ESRRG: variants seen among roughly 807,000 people sequenced by gnomAD.
ESRRG encodes the protein estrogen-related receptor gamma.
ESRRG carries 13 observed loss-of-function variants against 44.0 expected under a neutral mutation model. The observed-to-expected ratio is 0.30, with a 90% CI of 0.19 to 0.47. The LOEUF (loss-of-function observed/expected upper bound fraction) is 0.47, where lower values mean the gene tolerates loss of function less well. Among genes scored for constraint, ESRRG ranks in the 20% least tolerant of loss-of-function variants. ESRRG has a pLI of 1.00. For synonymous variants in ESRRG, 215 were observed against 214.6 expected, an observed-to-expected ratio of 1.00 and a Z score of -0.02; for missense variants, 395 against 580.6, an observed-to-expected ratio of 0.68 and a Z score of 3.29.
At chr1:216,814,892 C>T (rs549869514) in intron 2 of ESRRG, among the ~76,000 whole-genome samples, 214 of 152,278 alleles carry the variant, frequency 1.4e-3, no homozygotes, top group African/African-American at 5.0e-3. Flanking sequence ...TGAGGAGATA[C>T]TGATTGAAAA....
intron 1 of ESRRG, among the ~76,000 whole-genome samples, chr1:217,027,268 C>T (rs892542428): frequency 6.6e-6 from 1 of 152,156 alleles, no homozygotes; most frequent in Non-Finnish European, 1.5e-5. Flanking sequence ...CCTGAACCCA[C>T]ATTATAAATA....
chr1:216,653,780 G>A (rs543228768), intron 2 of ESRRG, among the ~76,000 whole-genome samples: 1 of 152,134 alleles, frequency 6.6e-6, no homozygotes, highest in East Asian at 1.9e-4. Context: ...CCATTGGATG[G>A]TAAGACACTA....
At chr1:216,645,167 CT>C (rs2067265717) in intron 3 of ESRRG, among the ~76,000 whole-genome samples, 1 of 152,160 alleles carries the variant, frequency 6.6e-6, no homozygotes, top group Non-Finnish European at 1.5e-5. Flanking sequence ...GCCTTCAACT[CT>C]CACGTCTGTT....
chr1:216,631,146 G>A (rs182777696), intron 3 of ESRRG, among the ~76,000 whole-genome samples: 3 of 152,024 alleles, frequency 2.0e-5, no homozygotes, highest in East Asian at 3.9e-4. Flanking sequence ...AAAGTAGAAG[G>A]CTAACTTGTT....
chr1:216,812,691 C>G, intron 2 of ESRRG, among the ~76,000 whole-genome samples: 1 of 152,110 alleles, frequency 6.6e-6, no homozygotes, highest in East Asian at 1.9e-4. Flanking sequence ...TCTTGCTCAT[C>G]TTTTTAATCC....
intron 2 of ESRRG, chr1:216,936,580 T>A (rs2064184592): frequency 6.6e-6 from 1 of 151,948 alleles, no homozygotes; most frequent in African/African-American, 2.4e-5. Flanking sequence ...TGTAAAACAA[T>A]TTTAAACTCC....
At chr1:216,856,157 G>T (rs1299805987) in intron 2 of ESRRG, among the ~76,000 whole-genome samples, 1 of 149,656 alleles carries the variant, frequency 6.7e-6, no homozygotes, top group Admixed American at 6.7e-5. Context: ...TTTGTTTCTT[G>T]TGAAAAAAAA....
chr1:216,909,218 A>G (rs2060036604), intron 2 of ESRRG, among the ~76,000 whole-genome samples: 1 of 152,224 alleles, frequency 6.6e-6, no homozygotes, highest in Admixed American at 6.5e-5. Context: ...GAAGAATATC[A>G]TCATCTATGA....
intron 1 of ESRRG, among the ~76,000 whole-genome samples, chr1:216,952,573 A>G (rs1341525032): frequency 1.3e-5 from 2 of 152,174 alleles, no homozygotes; most frequent in Non-Finnish European, 2.9e-5. Flanking sequence ...ACTATGAAAC[A>G]GACACAAAAT....
chr1:216,735,743 G>A lies in ESRRG; in HGVS notation c.-13-58252C>T, dbSNP rs2089741264. Among the ~76,000 whole-genome samples the A allele has an allele frequency of 3.9e-5, 6 of 151,998 alleles. No individual in the cohort carries two copies. The South Asian group carries it at 1.2e-3, about 31-fold the overall frequency. ...TGCCTGTAATCCCAGCACTTTGGGA[G>A]ACCAAGGTGGGTGGATCATGAGGTC... On this transcript the variant is annotated intron_variant, in intron 2 of 7. Coordinates refer to the ESRRG transcript ENST00000359162.
upstream of ESRRG, among the ~76,000 whole-genome samples, chr1:217,090,847 A>C (rs1355508533): frequency 1.3e-5 from 2 of 152,202 alleles, no homozygotes; most frequent in Non-Finnish European, 2.9e-5. Flanking sequence ...CTAATTATGC[A>C]CTGTATCTGT....
At chr1:216,991,440 T>C (rs1324173147) in intron 1 of ESRRG, among the ~76,000 whole-genome samples, 3 of 152,122 alleles carry the variant, frequency 2.0e-5, no homozygotes, top group African/African-American at 4.8e-5. Flanking sequence ...CATATATTCA[T>C]TGGGAGCCTA....
chr1:217,098,540 CTGA>C (rs1487061400), intron 1 of ESRRG, among the ~76,000 whole-genome samples: 1 of 152,124 alleles, frequency 6.6e-6, no homozygotes, highest in East Asian at 1.9e-4. Flanking sequence ...AGAAGCTCCA[CTGA>C]TGATGGGCAA....
intron 1 of ESRRG, among the ~76,000 whole-genome samples, chr1:217,074,992 T>C (rs560239623): frequency 6.6e-6 from 1 of 152,254 alleles, no homozygotes; most frequent in Admixed American, 6.5e-5. Context: ...TCCTTGGGGA[T>C]TGGTTCTGGG....
intron 2 of ESRRG, among the ~76,000 whole-genome samples, chr1:216,860,721 C>A (rs560101048): frequency 1.3e-5 from 2 of 152,070 alleles, no homozygotes; most frequent in Non-Finnish European, 2.9e-5. Flanking sequence ...AGCAAAACTG[C>A]AATACAAAAA....
intron 2 of ESRRG, among the ~76,000 whole-genome samples, chr1:216,731,258 T>G (rs566427162): frequency 4.6e-5 from 7 of 152,306 alleles, no homozygotes; most frequent in African/African-American, 1.7e-4. Context: ...TTGACAAGGA[T>G]CCCATGAAGA....
At chr1:216,891,194 A>G (rs2057745537) in intron 2 of ESRRG, among the ~76,000 whole-genome samples, 1 of 152,202 alleles carries the variant, frequency 6.6e-6, no homozygotes, top group Non-Finnish European at 1.5e-5. Context: ...ATAAATTCAC[A>G]TGCAAATTTT....
chr1:216,776,693 A>G (rs1031792980), intron 2 of ESRRG, among the ~76,000 whole-genome samples: 2 of 152,170 alleles, frequency 1.3e-5, no homozygotes, highest in African/African-American at 4.8e-5. Context: ...AAGGGATTTT[A>G]TGGAGTTCAG....
chr1:217,027,741 G>A (rs1488828251), intron 1 of ESRRG, among the ~76,000 whole-genome samples: 6 of 152,102 alleles, frequency 3.9e-5, no homozygotes, highest in African/African-American at 1.4e-4. Flanking sequence ...GGTAAAGCTT[G>A]GGTTCCTAGT....
Sources: gnomAD v4.1 joint callset for allele counts (sites outside exome capture counted in the v4.1 genomes callset) on GRCh38, gnomAD v4.1.1 for gene constraint, MANE v1.5 for transcripts, NCBI Gene and HGNC (gene_info 2026-07-23, HGNC 2026-07-21) for gene names.